Variants in CPEB3 observed in about 807,000 individuals in gnomAD.
CPEB3 encodes cytoplasmic polyadenylation element binding protein 3, also known as cytoplasmic polyadenylation element-binding protein 3.
In CPEB3, 20 loss-of-function variants were observed where a neutral mutation model predicts 67.2. The observed-to-expected ratio is 0.30, with a 90% CI of 0.21 to 0.43. The LOEUF is 0.43. Among genes scored for constraint, CPEB3 ranks in the 20% least tolerant of loss-of-function variants. The pLI, the probability that CPEB3 is intolerant of heterozygous loss-of-function variation, is 1.00. For missense variants in CPEB3, 746 were observed against 968.6 expected, an observed-to-expected ratio of 0.77 and a Z score of 3.05; for synonymous variants, 376 against 393.1, an observed-to-expected ratio of 0.96 and a Z score of 0.51.
chr10:92,059,455 C>G (rs1842254542), intron 9 of CPEB3, among the ~76,000 whole-genome samples: 1 of 150,622 alleles, frequency 6.6e-6, no homozygotes, highest in African/African-American at 2.4e-5. Flanking sequence ...GAAAACACAA[C>G]ATACCAAAAC....
chr10:92,194,473 T>C (rs1365970815), intron 2 of CPEB3, among the ~76,000 whole-genome samples: 1 of 151,982 alleles, frequency 6.6e-6, no homozygotes, highest in Non-Finnish European at 1.5e-5. Context: ...TAAGTTGTAT[T>C]CATGAAGATA....
At chr10:92,253,480 A>AAAAAAAAAAAAAAAAAAAAG (rs1564910662) in intron 1 of CPEB3, among the ~76,000 whole-genome samples, 1 of 150,132 alleles carries the variant, frequency 6.7e-6, no homozygotes, top group African/African-American at 2.5e-5. Flanking sequence ...AAAAAAAAAA[A>AAAAAAAAAAAAAAAAAAAAG]AAAAGAAAAG....
At position 92,048,362 on chromosome 10, in the gene CPEB3, T is replaced by TTCTC. The variant is rs1021366624; in HGVS notation, c.*3846_*3849dup. 1 of 126,384 alleles carries TTCTC rather than the reference T, an allele frequency of 7.9e-6. No homozygotes were observed. Among genetic ancestry groups the TTCTC allele is most frequent in the African/African-American group, 3.0e-5 (1 of 33,304 alleles). 7.8% of individuals were successfully genotyped at this position (126,384 alleles called of 1,614,324 possible). A position where few individuals can be genotyped will look rare whatever the true frequency, so the allele number is the denominator to read the frequency against. ...CAAGGACAGCAGTTGGTGGCAGTTTTTCTCTCTCTCTCTCTCTCTCTCTCT... is the reference window on the plus strand; with the variant it reads ...CAAGGACAGCAGTTGGTGGCAGTTTTTCTCTCTCTCTCTCTCTCTCTCTCTCTCT... On this transcript the variant is annotated 3_prime_UTR_variant, in exon 10 of 10. Coordinates refer to ENST00000265997, the MANE Select transcript of CPEB3 (RefSeq NM_014912.5). This position sits in a 1 kb window ranked among gnomAD's most constrained non-coding sequence, Gnocchi z 4.1.
intron 4 of CPEB3, among the ~76,000 whole-genome samples, chr10:92,167,742 A>C (rs1490582815): frequency 6.6e-6 from 1 of 152,082 alleles, no homozygotes; most frequent in African/African-American, 2.4e-5. Context: ...CACTGTCTCT[A>C]CTAAAAAATA....
rs543490212 is a variant in CPEB3 at position 92,272,789 on chromosome 10, G to A, written c.-12+18137C>T. 2.0e-5 allele frequency among the ~76,000 whole-genome samples: 3 copies of A among 152,252 alleles called. No homozygotes were observed. In the East Asian group the frequency reaches 5.8e-4, roughly 29 times the overall value. On this transcript the variant is annotated intron_variant, in intron 1 of 9. Transcript: ENST00000265997. The stretch of plus-strand genomic sequence containing the variant: ...ATTTATGCTTTCTACCAGCTCACCA[G>A]GATTTAAACAGGTCACAGAAAGATT...
At chr10:92,181,577 A>C (rs1848465049) in intron 3 of CPEB3, among the ~76,000 whole-genome samples, 1 of 152,130 alleles carries the variant, frequency 6.6e-6, no homozygotes, top group Non-Finnish European at 1.5e-5. Flanking sequence ...TCTCCCTAAC[A>C]CTAACTAGTG....
chr10:92,216,280 A>G, intron 2 of CPEB3: 1 of 1,509,666 alleles, frequency 6.6e-7, no homozygotes, highest in Non-Finnish European at 9.0e-7. Flanking sequence ...TACTAAAAAC[A>G]TAAAATTTGG....
chr10:92,199,657 C>T (rs188229056), intron 2 of CPEB3, among the ~76,000 whole-genome samples: 1 of 134,894 alleles, frequency 7.4e-6, no homozygotes, highest in African/African-American at 2.9e-5. Flanking sequence ...GTACTCCAGC[C>T]TGGGTGACAG....
intron 4 of CPEB3, among the ~76,000 whole-genome samples, chr10:92,157,129 T>C (rs1353884168): frequency 6.6e-6 from 1 of 152,236 alleles, no homozygotes; most frequent in Non-Finnish European, 1.5e-5. Flanking sequence ...CTTCAGCTTC[T>C]GCAAATGAGC....
chr10:92,232,472 A>G (rs189191744), intron 2 of CPEB3, among the ~76,000 whole-genome samples: 2 of 151,926 alleles, frequency 1.3e-5, no homozygotes, highest in East Asian at 1.9e-4. Context: ...AAATACATCA[A>G]ATTGGGCCAG....
chr10:92,216,160 G>A (rs1850375671), intron 2 of CPEB3, among the ~76,000 whole-genome samples: 1 of 151,018 alleles, frequency 6.6e-6, no homozygotes, highest in Admixed American at 6.6e-5. Flanking sequence ...TTTGATGGCT[G>A]GGTGCAGTGG....
At chr10:92,249,250 G>A (rs1455388462) in intron 1 of CPEB3, among the ~76,000 whole-genome samples, 11 of 152,028 alleles carry the variant, frequency 7.2e-5, no homozygotes, top group Admixed American at 4.6e-4. Context: ...ATGGTGGCAC[G>A]TGCCTGTAGT....
intron 1 of CPEB3, among the ~76,000 whole-genome samples, chr10:92,243,579 T>A (rs932757560): frequency 6.6e-6 from 1 of 152,120 alleles, no homozygotes; most frequent in Non-Finnish European, 1.5e-5. Context: ...CTTAAATGGT[T>A]AGAATGGTAA....
intron 1 of CPEB3, chr10:92,243,200 A>G (rs140707272): frequency 5.5e-4 from 84 of 152,238 alleles, no homozygotes; most frequent in African/African-American, 1.9e-3. Flanking sequence ...GAATCGATAA[A>G]ATTTAAAAGT....
At chr10:92,121,548 A>G (rs922443489) in intron 6 of CPEB3, among the ~76,000 whole-genome samples, 21 of 151,404 alleles carry the variant, frequency 1.4e-4, no homozygotes, top group East Asian at 7.7e-4. Context: ...AAATTTGTGG[A>G]AAAAAAACTA....
intron 2 of CPEB3, among the ~76,000 whole-genome samples, chr10:92,231,441 C>G (rs984991598): frequency 5.9e-5 from 9 of 152,164 alleles, no homozygotes; most frequent in Non-Finnish European, 1.3e-4. Flanking sequence ...TGTACACATT[C>G]TCTCACAAAC....
intron 1 of CPEB3, among the ~76,000 whole-genome samples, chr10:92,258,168 C>T (rs765671094): frequency 3.3e-5 from 5 of 151,412 alleles, no homozygotes; most frequent in Non-Finnish European, 5.9e-5. Context: ...TGTACCATCT[C>T]GGCTCACTGC....
intron 1 of CPEB3, among the ~76,000 whole-genome samples, chr10:92,256,577 G>C (rs143821333): frequency 0.013 from 1,978 of 151,922 alleles, 46 homozygotes; most frequent in African/African-American, 0.046. Flanking sequence ...TTAGTAGATG[G>C]GGTTTCACCA....
intron 9 of CPEB3, among the ~76,000 whole-genome samples, chr10:92,072,869 A>G (rs888145901): frequency 5.3e-5 from 8 of 152,152 alleles, no homozygotes; most frequent in East Asian, 3.8e-4. Context: ...AGAAATGCTG[A>G]GAATTATGTG....
Sources: allele counts gnomAD v4.1 joint callset (sites outside exome capture counted in the v4.1 genomes callset), GRCh38; gene constraint gnomAD v4.1.1; non-coding constraint Gnocchi (gnomAD v3.1); transcripts MANE v1.5; gene names NCBI Gene and HGNC (gene_info 2026-07-23, HGNC 2026-07-21).